Variants in SGCZ observed in about 807,000 individuals in gnomAD.
The protein encoded by SGCZ is sarcoglycan zeta.
SGCZ carries 40 observed loss-of-function variants against 41.3 expected under a neutral mutation model. The ratio of observed to expected loss-of-function variants is 0.97; its 90% CI spans 0.75 to 1.26. SGCZ has a LOEUF of 1.26. Among genes scored for constraint, SGCZ ranks in the 50% most tolerant of loss-of-function variants. The pLI, the probability that SGCZ is intolerant of heterozygous loss-of-function variation, is 0.00. For synonymous variants in SGCZ, 206 were observed against 137.5 expected (o/e 1.50, Z -3.49); for missense variants, 552 against 369.8 (o/e 1.49, Z -4.04).
chr8:15,087,538 T>C (rs1805994772), intron 1 of SGCZ, among the ~76,000 whole-genome samples: 1 of 152,130 alleles, frequency 6.6e-6, no homozygotes, highest in Non-Finnish European at 1.5e-5. Context: ...GCTCAACTGA[T>C]TTCAAAGCAT....
rs528585998 is a variant in SGCZ at position 14,335,119 on chromosome 8, C to T, written c.235-10915G>A. Among the ~76,000 whole-genome samples, 5 of 152,176 alleles carry T rather than the reference C, an allele frequency of 3.3e-5. No individual in the cohort carries two copies. In the East Asian group the frequency reaches 5.8e-4, roughly 18 times the overall value. ...AATATGATTGATAACAGTTTTCTGA[C>T]GCTGGGTTGCTTTATGGTTCACGAA... On this transcript the variant is annotated intron_variant, in intron 2 of 7. Transcript: ENST00000382080.
chr8:14,508,117 T>A (rs893158295), intron 2 of SGCZ, among the ~76,000 whole-genome samples: 1 of 152,160 alleles, frequency 6.6e-6, no homozygotes, highest in Non-Finnish European at 1.5e-5. Flanking sequence ...GTATTTGAAC[T>A]GCAATCCCTT....
At position 14,663,949 on chromosome 8, in the gene SGCZ, A is replaced by C. The variant is rs188731479; in HGVS notation, c.40-109023T>G. Among the ~76,000 whole-genome samples the C allele has an allele frequency of 3.8e-3, 571 of 152,260 alleles. 7 individuals carry two copies. The highest frequency in any genetic ancestry group is 0.013 in the African/African-American group (553 of 41,554). ...ACAAGTTAGAGAACCAGCGGCTTAG[A>C]CACTTAGCTGCAGAAATACTGTCTT... On this transcript the variant is annotated intron_variant, in intron 1 of 7. Transcript: ENST00000382080.
In SGCZ at chr8:14,370,082, T is replaced by C. The variant is rs180962524; in HGVS notation, c.235-45878A>G. ...TCTGATTCTTATTATGCTGGAGCTCTGTGGATGTAGTGGTAAGATGAAGGG... is the reference window on the plus strand; with the variant it reads ...TCTGATTCTTATTATGCTGGAGCTCCGTGGATGTAGTGGTAAGATGAAGGG... On this transcript the variant is annotated intron_variant, in intron 2 of 7. Transcript: ENST00000382080. Among the ~76,000 whole-genome samples the C allele has an allele frequency of 3.7e-3, 569 of 152,052 alleles. 25 individuals are homozygous for C. Among genetic ancestry groups the C allele is most frequent in the Admixed American group, 0.035 (529 of 15,222 alleles).
At chr8:14,869,356 G>C (rs1804058268) in intron 1 of SGCZ, among the ~76,000 whole-genome samples, 1 of 152,116 alleles carries the variant, frequency 6.6e-6, no homozygotes, top group Non-Finnish European at 1.5e-5. Flanking sequence ...TATCTCAATA[G>C]ATGCAGAAAA....
At chr8:15,184,654 A>C (rs1800282013) in intron 1 of SGCZ, among the ~76,000 whole-genome samples, 1 of 152,152 alleles carries the variant, frequency 6.6e-6, no homozygotes, top group Non-Finnish European at 1.5e-5. Context: ...AAGAGAGAGC[A>C]GGCGATTTCT....
chr8:14,290,975 A>T (rs7829315), intron 3 of SGCZ, among the ~76,000 whole-genome samples: 2 of 152,008 alleles, frequency 1.3e-5, no homozygotes, highest in Non-Finnish European at 2.9e-5. Flanking sequence ...TAAAGAAAGT[A>T]TTGTAAATAT....
At chr8:14,976,871 A>T (rs962055077) in intron 1 of SGCZ, among the ~76,000 whole-genome samples, 1 of 152,224 alleles carries the variant, frequency 6.6e-6, no homozygotes, top group Non-Finnish European at 1.5e-5. Context: ...TTAACCTACC[A>T]TATGTAGTGG....
At chr8:14,249,365 A>T (rs909980786) in intron 3 of SGCZ, among the ~76,000 whole-genome samples, 3 of 152,084 alleles carry the variant, frequency 2.0e-5, no homozygotes, top group African/African-American at 7.2e-5. Flanking sequence ...CTAACTACAG[A>T]TCCTGGGGTT....
chr8:14,460,976 A>C (rs996440390), intron 2 of SGCZ, among the ~76,000 whole-genome samples: 21 of 152,242 alleles, frequency 1.4e-4, no homozygotes, highest in African/African-American at 5.1e-4. Context: ...TTGATTATTT[A>C]ATCTGAATAT....
At chr8:14,582,751 ATG>A in intron 1 of SGCZ, among the ~76,000 whole-genome samples, 1 of 147,150 alleles carries the variant, frequency 6.8e-6, no homozygotes, top group East Asian at 2.1e-4. Context: ...GAGTGAGAAC[ATG>A]TGGTGTTTGG....
intron 3 of SGCZ, among the ~76,000 whole-genome samples, chr8:14,290,385 C>T (rs1324245324): frequency 6.6e-6 from 1 of 151,908 alleles, no homozygotes; most frequent in Non-Finnish European, 1.5e-5. Flanking sequence ...AAATAATGCA[C>T]AGAGCAAAGA....
intron 2 of SGCZ, among the ~76,000 whole-genome samples, chr8:14,526,432 T>C (rs1333548569): frequency 6.6e-6 from 1 of 152,114 alleles, no homozygotes; most frequent in Non-Finnish European, 1.5e-5. Flanking sequence ...TACGAACAGC[T>C]CAATTACATG....
At chr8:14,149,704 A>T (rs1234015207) in intron 5 of SGCZ, among the ~76,000 whole-genome samples, 1 of 152,000 alleles carries the variant, frequency 6.6e-6, no homozygotes, top group Admixed American at 6.6e-5. Context: ...ACCACAAGAA[A>T]ATCCAGGATA....
intron 2 of SGCZ, among the ~76,000 whole-genome samples, chr8:14,468,488 T>G (rs1438594402): frequency 6.6e-6 from 1 of 152,110 alleles, no homozygotes; most frequent in Non-Finnish European, 1.5e-5. Context: ...TATAGCTGTT[T>G]CATACATGTC....
intron 1 of SGCZ, among the ~76,000 whole-genome samples, chr8:14,576,477 C>G (rs1804716300): frequency 6.6e-6 from 1 of 152,002 alleles, no homozygotes; most frequent in South Asian, 2.1e-4. Flanking sequence ...GAGAAGTTAG[C>G]TAAGTTAATG....
chr8:14,099,856 G>T (rs1191838635), intron 7 of SGCZ, among the ~76,000 whole-genome samples: 1 of 152,056 alleles, frequency 6.6e-6, no homozygotes, highest in Non-Finnish European at 1.5e-5. Context: ...TCCAGACTGA[G>T]TCTGAAATAC....
rs7841878 is a variant in SGCZ, at chr8:14,931,267, A to G, written c.39+306318T>C. Among the ~76,000 whole-genome samples, 1,308 of 152,144 alleles carry G rather than the reference A, an allele frequency of 8.6e-3. 40 individuals carry two copies. Among genetic ancestry groups the G allele is most frequent in the African/African-American group, 0.03 (1,251 of 41,446 alleles). The stretch of plus-strand genomic sequence containing the variant: ...ATCTCATTTTATTCACTTATAGTTT[A>G]TTACCTTCCTGATAACATGAATTTG... On this transcript the variant is annotated intron_variant, in intron 1 of 7. Coordinates refer to ENST00000382080, the MANE Select transcript of SGCZ (RefSeq NM_139167.4).
At chr8:14,246,039 C>A (rs533811826) in intron 3 of SGCZ, among the ~76,000 whole-genome samples, 6 of 152,234 alleles carry the variant, frequency 3.9e-5, no homozygotes, top group African/African-American at 1.4e-4. Flanking sequence ...GTCAGTGTGG[C>A]GATTCCTCAG....
Sources: allele counts gnomAD v4.1 joint callset (sites outside exome capture counted in the v4.1 genomes callset), GRCh38; gene constraint gnomAD v4.1.1; transcripts MANE v1.5; gene names NCBI Gene and HGNC (gene_info 2026-07-23, HGNC 2026-07-21).